The following TMEM217 variants were observed in gnomAD, a reference collection of about 807,000 sequenced individuals.
TMEM217 encodes transmembrane protein 217, also known as chromosome 6 open reading frame 128.
For missense variants in TMEM217, 204 were observed against 248.8 expected, an observed-to-expected ratio of 0.82 and a Z score of 1.21; for synonymous variants, 76 against 88.3, an observed-to-expected ratio of 0.86 and a Z score of 0.78.
At position 37,219,668 on chromosome 6, in the gene TMEM217, G is replaced by T. The variant is rs1371360786; in HGVS notation, c.-11-627C>A. On this transcript the variant is annotated intron_variant, in intron 1 of 1. Transcript: ENST00000357219. Reference sequence around the variant, plus strand: ...GATCACTTGAGCCCAGGAAGTCAAGGCTGCAGTGAGCTGAGATCATGCCAC... The same window carrying T: ...GATCACTTGAGCCCAGGAAGTCAAGTCTGCAGTGAGCTGAGATCATGCCAC... 2.6e-5 allele frequency among the ~76,000 whole-genome samples: 4 copies of T among 152,134 alleles called. No homozygotes were observed. In the South Asian group the frequency reaches 6.2e-4, roughly 24 times the overall value.
chr6:37,223,726 C>T (rs543486249), intron 1 of TMEM217, among the ~76,000 whole-genome samples: 1 of 152,284 alleles, frequency 6.6e-6, no homozygotes, highest in East Asian at 1.9e-4. Flanking sequence ...TCAGGCTGCT[C>T]TCAAACTCCT....
At position 37,223,399 on chromosome 6, in the gene TMEM217, T is replaced by C. The variant is rs548909228; in HGVS notation, c.-11-4358A>G. ...TTTTTATTTAAAAGACCAACAGTTA[T>C]AGACTTCTATAGGAAACAAAAATCC... On this transcript the variant is annotated intron_variant, in intron 1 of 1. Transcript: ENST00000357219. Among the ~76,000 whole-genome samples, 5 of 152,346 alleles carry C rather than the reference T, an allele frequency of 3.3e-5. No individual in the cohort carries two copies. The East Asian group carries it at 5.8e-4, about 18-fold the overall frequency.
At chr6:37,231,650 C>T (rs1338349687) in intron 1 of TMEM217, among the ~76,000 whole-genome samples, 11 of 133,680 alleles carry the variant, frequency 8.2e-5, no homozygotes, top group Non-Finnish European at 1.7e-4. Context: ...CCAGCCTGGG[C>T]GATAGAGTGA....
At chr6:37,229,338 T>G (rs1255282722) in intron 1 of TMEM217, among the ~76,000 whole-genome samples, 2 of 121,046 alleles carry the variant, frequency 1.7e-5, no homozygotes, top group Non-Finnish European at 3.4e-5. Flanking sequence ...ACTTTCAGTT[T>G]TTTTTTTTTT....
intron 1 of TMEM217, among the ~76,000 whole-genome samples, chr6:37,232,409 G>A (rs1764251858): frequency 6.6e-6 from 1 of 151,950 alleles, no homozygotes; most frequent in African/African-American, 2.4e-5. Flanking sequence ...TTTTTGAGAC[G>A]GAGTCTCGCT....
At chr6:37,213,032 T>G, downstream of TMEM217, 2 of 1,404,484 alleles carry the variant, frequency 1.4e-6, no homozygotes, top group Non-Finnish European at 1.9e-6. Flanking sequence ...CGTGACAAGA[T>G]GGCAGAGGTA....
intron 1 of TMEM217, among the ~76,000 whole-genome samples, chr6:37,232,260 G>A (rs994414870): frequency 3.9e-5 from 6 of 152,214 alleles, no homozygotes; most frequent in Non-Finnish European, 7.3e-5. Flanking sequence ...CTGAAATAGC[G>A]AAAGTCAGGA....
At position 37,218,906 on chromosome 6, in the gene TMEM217, C is replaced by T. The variant is rs576088457; in HGVS notation, c.125G>A (p.Cys42Tyr). 74 of 1,614,080 alleles carry T rather than the reference C, an allele frequency of 4.6e-5. 1 individual carries two copies. In the South Asian group the frequency reaches 7.9e-4, roughly 17 times the overall value. ...CCTGTACTTTGGTGTGATCTCAGTG[C>T]AACTGCCATTCCCTAGGTGCTTCTG... The change falls in exon 2 of 2, where the codon TGC becomes TAC. Residue 42 changes from cysteine to tyrosine, a missense_variant. Physicochemically the swap from Cys to Tyr is radical, Grantham distance 194. Transcript: ENST00000357219.
intron 1 of TMEM217, among the ~76,000 whole-genome samples, chr6:37,227,154 T>C (rs569298269): frequency 2.0e-5 from 3 of 152,266 alleles, no homozygotes; most frequent in African/African-American, 4.8e-5. Flanking sequence ...GTTTCAGGGA[T>C]TTTTGAATCC....
intron 1 of TMEM217, among the ~76,000 whole-genome samples, chr6:37,257,020 G>C (rs945049950): frequency 1.3e-5 from 2 of 152,194 alleles, no homozygotes; most frequent in Non-Finnish European, 2.9e-5. Flanking sequence ...TGGTGGGGCC[G>C]GGAGGAGATA....
At chr6:37,222,542 T>G (rs2113825371) in intron 1 of TMEM217, among the ~76,000 whole-genome samples, 1 of 152,302 alleles carries the variant, frequency 6.6e-6, no homozygotes, top group East Asian at 1.9e-4. Context: ...GTCTCCTACT[T>G]GTCCCTGGCT....
chr6:37,221,354 T>G (rs927180195), intron 1 of TMEM217, among the ~76,000 whole-genome samples: 6 of 151,988 alleles, frequency 3.9e-5, no homozygotes, highest in Non-Finnish European at 8.8e-5. Context: ...ACCTGGCTAA[T>G]TTTTGTATTT....
intron 1 of TMEM217, among the ~76,000 whole-genome samples, chr6:37,252,615 G>A (rs1173159001): frequency 1.9e-4 from 17 of 91,212 alleles, no homozygotes; most frequent in African/African-American, 5.6e-4. Flanking sequence ...GTGTATGTGT[G>A]TGTATATATA....
At chr6:37,236,319 C>G (rs548059119) in intron 1 of TMEM217, among the ~76,000 whole-genome samples, 1 of 152,052 alleles carries the variant, frequency 6.6e-6, no homozygotes, top group Non-Finnish European at 1.5e-5. Flanking sequence ...GTTTTTTAGG[C>G]CCTGAACTAA....
intron 1 of TMEM217, among the ~76,000 whole-genome samples, chr6:37,236,216 G>T (rs1764495293): frequency 6.6e-6 from 1 of 151,902 alleles, no homozygotes; most frequent in South Asian, 2.1e-4. Context: ...TGAACTCCTG[G>T]GCTCAAGTGA....
At chr6:37,217,354 T>C (rs908848546), downstream of TMEM217, among the ~76,000 whole-genome samples, 3 of 152,248 alleles carry the variant, frequency 2.0e-5, no homozygotes, top group African/African-American at 7.2e-5. Flanking sequence ...TGTCTGTTTA[T>C]TTGTGATAGT....
At chr6:37,253,771 A>G (rs1303430800) in intron 1 of TMEM217, among the ~76,000 whole-genome samples, 2 of 151,942 alleles carry the variant, frequency 1.3e-5, no homozygotes, top group African/African-American at 4.8e-5. Context: ...TTATCTTCCC[A>G]TTGGAGCTCC....
At chr6:37,236,365 C>A (rs1214506522) in intron 1 of TMEM217, among the ~76,000 whole-genome samples, 1 of 152,146 alleles carries the variant, frequency 6.6e-6, no homozygotes, top group Non-Finnish European at 1.5e-5. Flanking sequence ...CTCAGTTTAA[C>A]CCTTTCTGAG....
At chr6:37,220,687 T>C (rs1189115676) in intron 1 of TMEM217, among the ~76,000 whole-genome samples, 2 of 152,136 alleles carry the variant, frequency 1.3e-5, no homozygotes. Flanking sequence ...CTCTGGAGGA[T>C]TGTACTTTTA....
Sources: allele counts gnomAD v4.1 joint callset (sites outside exome capture counted in the v4.1 genomes callset), GRCh38; gene constraint gnomAD v4.1.1; transcripts MANE v1.5; gene names NCBI Gene and HGNC (gene_info 2026-07-23, HGNC 2026-07-21).